The following CTBP2 variants were observed in gnomAD, a reference collection of about 807,000 sequenced individuals.
CTBP2 encodes C-terminal binding protein 2, also known as C-terminal-binding protein 2.
Under a neutral mutation model 80.3 loss-of-function variants are expected in CTBP2, and 30 were observed. That is an observed-to-expected ratio of 0.37 (90% CI 0.28 to 0.51). CTBP2 has a LOEUF of 0.51. CTBP2 is among the 20% of genes least tolerant of loss of function. CTBP2 has a pLI of 0.93. For missense variants in CTBP2, 1,212 were observed against 1,375.3 expected (o/e 0.88, Z 1.88); for synonymous variants, 594 against 587.4 (o/e 1.01, Z -0.16).
chr10:125,109,431 C>T (rs185342232), intron 2 of CTBP2, among the ~76,000 whole-genome samples: 4 of 152,354 alleles, frequency 2.6e-5, no homozygotes, highest in Admixed American at 2.6e-4. Flanking sequence ...GTGACTTTGT[C>T]TCTGCCTGAG....
At chr10:125,153,966 C>A (rs1860471665) in intron 1 of CTBP2, among the ~76,000 whole-genome samples, 1 of 152,246 alleles carries the variant, frequency 6.6e-6, no homozygotes. Flanking sequence ...CACACTGTCT[C>A]TGTGACACAT....
chr10:125,049,586 T>C (rs1962226064), intron 2 of CTBP2, among the ~76,000 whole-genome samples: 2 of 152,124 alleles, frequency 1.3e-5, no homozygotes, highest in South Asian at 2.1e-4. Flanking sequence ...CACTTCAGTG[T>C]GGAACCTTCA....
chr10:125,110,223 ATGT>A (rs1852073360), intron 2 of CTBP2, among the ~76,000 whole-genome samples: 1 of 152,242 alleles, frequency 6.6e-6, no homozygotes, highest in African/African-American at 2.4e-5. Flanking sequence ...CTTTTGAATG[ATGT>A]TGTTACCTCA....
rs986343397 is a variant in CTBP2 at position 125,130,040 on chromosome 10, TC to T, written c.-205-18948del. ...CCAGGTATAGCCCACAGGATTTCTC[TC>T]TTTTTTTTTTTTTTTCTTCTTTTGA... On this transcript the variant is annotated intron_variant, in intron 1 of 10. Transcript: ENST00000337195. Among the ~76,000 whole-genome samples the T allele has an allele frequency of 2.8e-4, 17 of 60,888 alleles. No individual in the cohort carries two copies. In the East Asian group the frequency reaches 0.01, roughly 37 times the overall value. 39.9% of individuals were successfully genotyped at this position (60,888 alleles called of 152,430 possible).
In CTBP2 at chr10:125,049,041, CCACAGACACACACACACACACACA is replaced by C. The variant is rs1254087009; in HGVS notation, c.-101-9910_-101-9887del. On this transcript the variant is annotated intron_variant, in intron 2 of 10. Coordinates refer to the CTBP2 transcript ENST00000337195. The stretch of plus-strand genomic sequence containing the variant: ...CTCTGGCCTCAATTTGCCCGCCTGA[CCACAGACACACACACACACACACA>C]CACACACACACACACACACACACAC... 8.0e-4 allele frequency among the ~76,000 whole-genome samples: 90 copies of C among 112,482 alleles called. 1 individual carries two copies. The highest frequency in any genetic ancestry group is 1.1e-3 in the South Asian group (4 of 3,750). The allele number at this position is 112,482 out of a possible 152,430, so 73.8% of individuals were successfully genotyped here.
At position 125,062,004 on chromosome 10, in the gene CTBP2, C is replaced by T. The variant is rs1012969424; in HGVS notation, c.-101-22849G>A. On this transcript the variant is annotated intron_variant, in intron 2 of 10. Coordinates refer to the CTBP2 transcript ENST00000337195. Reference sequence around the variant, plus strand: ...GCTGGGGTGGAGGTGGGACCGAAGCCGGGTAGCCCAGGGATCGTCCACGCC... The same window carrying T: ...GCTGGGGTGGAGGTGGGACCGAAGCTGGGTAGCCCAGGGATCGTCCACGCC... Among the ~76,000 whole-genome samples the T allele has an allele frequency of 3.9e-5, 6 of 152,320 alleles. No homozygotes were observed. In the East Asian group the frequency reaches 5.8e-4, roughly 15 times the overall value.
chr10:125,003,108 C>A lies in CTBP2; in HGVS notation c.1834-4G>T. ...CGCCCACGGCTTCGTTTAGAACCTG[C>A]GTGGGAACAGAGCACAGGGTCGGAG... On this transcript the variant is annotated splice_region_variant and splice_polypyrimidine_tract_variant and intron_variant, in intron 2 of 8. Transcript: ENST00000309035. 1 of 1,613,862 alleles carries A rather than the reference C, an allele frequency of 6.2e-7. No homozygotes were observed. Among genetic ancestry groups the A allele is most frequent in the African/African-American group, 1.3e-5 (1 of 75,058 alleles).
intron 1 of CTBP2, among the ~76,000 whole-genome samples, chr10:125,118,717 T>TGGGGGGGGGGGGGGGGGGGGG (rs1564963110): frequency 6.7e-5 from 1 of 14,952 alleles, no homozygotes; most frequent in African/African-American, 2.5e-4. Context: ...GTGGAGGCGC[T>TGGGGGGGGGGGGGGGGGGGGG]GGGGGGTGGG....
intron 2 of CTBP2, among the ~76,000 whole-genome samples, chr10:125,056,121 C>T (rs979178901): frequency 9.2e-5 from 14 of 151,764 alleles, no homozygotes; most frequent in African/African-American, 2.9e-4. Flanking sequence ...GCCGAGATCA[C>T]GCCACTGCAC....
At position 125,027,493 on chromosome 10, in the gene CTBP2, G is replaced by A. The variant is rs754455105; in HGVS notation, c.267C>T (p.Phe89=). The stretch of plus-strand genomic sequence containing the variant: ...CTGCCTGTCTGCTGTCGTAGAAGGT[G>A]AAGTCAGGAGTAGACCCCTTTCTTG... The change falls in exon 1 of 9, where the codon TTC becomes TTT. Residue 89 remains phenylalanine, a synonymous_variant. Coordinates refer to ENST00000309035, the MANE Select transcript of CTBP2 (RefSeq NM_022802.3). 1 of 1,614,126 alleles carries A rather than the reference G, an allele frequency of 6.2e-7. No individual in the cohort carries two copies. The highest frequency in any genetic ancestry group is 2.2e-5 in the East Asian group (1 of 44,858).
At chr10:125,157,728 T>TG (rs1861181531) in intron 1 of CTBP2, among the ~76,000 whole-genome samples, 1 of 152,214 alleles carries the variant, frequency 6.6e-6, no homozygotes, top group Admixed American at 6.5e-5. Flanking sequence ...ATGTTATACT[T>TG]GATCAAGTGT....
chr10:125,021,922 C>T (rs760626038), intron 1 of CTBP2, among the ~76,000 whole-genome samples: 8 of 152,234 alleles, frequency 5.3e-5, no homozygotes, highest in African/African-American at 7.2e-5. Flanking sequence ...GAGGCCATGC[C>T]GAGGTTCTTG....
intron 4 of CTBP2, among the ~76,000 whole-genome samples, chr10:124,994,931 AAAAAC>A (rs1259522567): frequency 9.2e-5 from 14 of 152,236 alleles, no homozygotes; most frequent in Non-Finnish European, 4.4e-5. Flanking sequence ...GATTTTTGTT[AAAAAC>A]AAAACAAAAC....
intron 1 of CTBP2, among the ~76,000 whole-genome samples, chr10:125,006,536 G>A (rs1329735048): frequency 3.9e-5 from 6 of 152,220 alleles, no homozygotes; most frequent in Non-Finnish European, 7.3e-5. Flanking sequence ...CCTAGCAGCC[G>A]CTGCCCTACA....
intron 1 of CTBP2, among the ~76,000 whole-genome samples, chr10:125,015,778 GAA>G (rs1956415013): frequency 6.6e-6 from 1 of 152,244 alleles, no homozygotes; most frequent in African/African-American, 2.4e-5. Context: ...AAAAATAAGG[GAA>G]AATAGAGAAG....
intron 6 of CTBP2, 97 bp from the exon 9 acceptor site, chr10:124,993,426 G>T: frequency 1.5e-6 from 2 of 1,340,118 alleles, no homozygotes; most frequent in Non-Finnish European, 1.0e-6. Flanking sequence ...TAGAAAAGTA[G>T]CTACATAGAT....
At chr10:125,007,183 T>C (rs1003657743) in intron 1 of CTBP2, among the ~76,000 whole-genome samples, 9 of 152,248 alleles carry the variant, frequency 5.9e-5, no homozygotes, top group Admixed American at 3.3e-4. Context: ...ATGACATCAG[T>C]GCCTTACTGT....
intron 2 of CTBP2, 83 bp downstream of exon 4, chr10:125,003,255 A>G: frequency 1.9e-6 from 3 of 1,588,014 alleles, no homozygotes; most frequent in Non-Finnish European, 2.6e-6. Flanking sequence ...CCTGCCGGTG[A>G]CTTGGGGCGA....
intron 1 of CTBP2, among the ~76,000 whole-genome samples, chr10:125,012,870 G>T (rs1248649642): frequency 1.9e-5 from 2 of 105,294 alleles, no homozygotes; most frequent in Non-Finnish European, 4.2e-5. Context: ...ATGAGCCACC[G>T]CGCCCGGCCA....
Sources: gnomAD v4.1 joint callset for allele counts (sites outside exome capture counted in the v4.1 genomes callset) on GRCh38, gnomAD v4.1.1 for gene constraint, MANE v1.5 for transcripts, NCBI Gene and HGNC (gene_info 2026-07-23, HGNC 2026-07-21) for gene names.